SOS2: variants seen among roughly 807,000 people sequenced by gnomAD.
SOS2 encodes son of sevenless homolog 2.
SOS2 carries 65 observed loss-of-function variants against 148.2 expected under a neutral mutation model. The observed-to-expected ratio is 0.44, with a 90% confidence interval of 0.36 to 0.54. The LOEUF is 0.54. SOS2 is among the 20% of genes least tolerant of loss of function. The pLI, the probability that SOS2 is intolerant of heterozygous loss-of-function variation, is 0.00. For synonymous variants in SOS2, 539 were observed against 537.1 expected (o/e 1.00, Z -0.05); for missense variants, 1,341 against 1,590.2 (o/e 0.84, Z 2.67).
rs754964389 is a variant in SOS2 at position 50,173,461 on chromosome 14, G to A, written c.1068+993C>T. On this transcript the variant is annotated intron_variant, in intron 8 of 22. Transcript: ENST00000216373. ...TTTTGAGACGGAGTCTCGCTCTGTC[G>A]CCCAGGCTGGAGTGCAGTGGCACAA... 8.6e-4 allele frequency among the ~76,000 whole-genome samples: 130 copies of A among 151,508 alleles called. 1 individual carries two copies. The highest frequency in any genetic ancestry group is 1.2e-3 in the Admixed American group (18 of 15,198).
At chr14:50,126,813 T>C (rs985794669) in intron 21 of SOS2, among the ~76,000 whole-genome samples, 2 of 151,214 alleles carry the variant, frequency 1.3e-5, no homozygotes, top group Non-Finnish European at 2.9e-5. Flanking sequence ...GAGAACATGC[T>C]GGGGGAAAAA....
intron 4 of SOS2, among the ~76,000 whole-genome samples, chr14:50,195,923 A>G (rs1566475391): frequency 6.6e-6 from 1 of 152,180 alleles, no homozygotes; most frequent in Non-Finnish European, 1.5e-5. Flanking sequence ...GCTACCTGGG[A>G]GGCTGAGGCA....
intron 1 of SOS2, among the ~76,000 whole-genome samples, chr14:50,216,880 C>G (rs961742934): frequency 6.6e-6 from 1 of 152,126 alleles, no homozygotes; most frequent in Non-Finnish European, 1.5e-5. Flanking sequence ...GATGTCAATT[C>G]CTCCCAAATG....
intron 22 of SOS2, among the ~76,000 whole-genome samples, chr14:50,119,906 G>A (rs1213790703): frequency 6.9e-6 from 1 of 145,198 alleles, no homozygotes; most frequent in Non-Finnish European, 1.5e-5. Context: ...CCAACTCCCA[G>A]GTTCAAGCGC....
chr14:50,215,318 T>C (rs1887013103), intron 1 of SOS2: 23 of 1,163,312 alleles, frequency 2.0e-5, no homozygotes, highest in Non-Finnish European at 2.6e-5. Flanking sequence ...GCCAAACTTC[T>C]TAATTTCAAA....
At chr14:50,170,945 T>C (rs1885341471) in intron 8 of SOS2, among the ~76,000 whole-genome samples, 1 of 151,482 alleles carries the variant, frequency 6.6e-6, no homozygotes, top group Non-Finnish European at 1.5e-5. Context: ...AAACCCTGTC[T>C]CTACTAAAAA....
At chr14:50,132,841 G>A (rs907629829) in intron 19 of SOS2, among the ~76,000 whole-genome samples, 3 of 152,094 alleles carry the variant, frequency 2.0e-5, no homozygotes, top group African/African-American at 7.2e-5. Context: ...GCTTCACCAA[G>A]GAGACCTTCT....
chr14:50,118,536 C>G lies in SOS2; in HGVS notation c.3807G>C (p.Arg1269Ser). 6.2e-7 allele frequency: 1 copy of G among 1,614,038 alleles called. No individual in the cohort carries two copies. Among genetic ancestry groups the G allele is most frequent in the Non-Finnish European group, 8.5e-7 (1 of 1,179,990 alleles). The change falls in exon 23 of 23, where the codon AGG becomes AGC. Residue 1269 changes from arginine (R) to serine (S), a missense_variant. Transcript: ENST00000216373. ...PSTPPSTPSP[R>S]VPRRCYVLSS... ...TGAGCACATAGCATCGACGCGGTAC[C>G]CTTGGAGAGGGTGTGCTAGGAGGAG... is the stretch of plus-strand genomic sequence containing the variant.
chr14:50,118,288 T>TAAA lies in SOS2; in HGVS notation c.*53_*55dup. ...ATACTATGTCTTTTTTTGAATAAAT[T>TAAA]AAAAAAAAAACTTTACAAATACCAT... On this transcript the variant is annotated 3_prime_UTR_variant, in exon 23 of 23. Transcript: ENST00000216373. The TAAA allele has an allele frequency of 7.7e-7, 1 of 1,294,336 alleles. No homozygotes were observed. Among genetic ancestry groups the TAAA allele is most frequent in the Non-Finnish European group, 1.1e-6 (1 of 950,996 alleles). 80.2% of individuals were successfully genotyped at this position (1,294,336 alleles called of 1,614,324 possible).
At chr14:50,162,156 T>C (rs1200113635) in intron 8 of SOS2, among the ~76,000 whole-genome samples, 1 of 151,518 alleles carries the variant, frequency 6.6e-6, no homozygotes, top group Non-Finnish European at 1.5e-5. Flanking sequence ...ATTTTATTTT[T>C]ATTTTTTATT....
At chr14:50,169,806 A>C (rs1316899578) in intron 8 of SOS2, among the ~76,000 whole-genome samples, 2 of 152,042 alleles carry the variant, frequency 1.3e-5, no homozygotes, top group Admixed American at 6.6e-5. Context: ...GATATATAGA[A>C]TATATATCTA....
chr14:50,202,781 G>A (rs1455294034), intron 2 of SOS2, among the ~76,000 whole-genome samples: 1 of 151,716 alleles, frequency 6.6e-6, no homozygotes, highest in Non-Finnish European at 1.5e-5. Context: ...GCAGAGAACA[G>A]GGGAAAAAAA....
intron 21 of SOS2, 97 bp downstream of exon 21, chr14:50,129,864 T>C: frequency 2.9e-6 from 2 of 698,354 alleles, no homozygotes. Flanking sequence ...CTTTTCTTGT[T>C]CTTTAATATT....
At chr14:50,124,733 T>C (rs1385045185) in intron 21 of SOS2, among the ~76,000 whole-genome samples, 4 of 152,244 alleles carry the variant, frequency 2.6e-5, no homozygotes, top group African/African-American at 4.8e-5. Flanking sequence ...TAATTATCTA[T>C]GTTTCTTTAC....
intron 1 of SOS2, among the ~76,000 whole-genome samples, chr14:50,225,553 A>G (rs1887342930): frequency 6.6e-6 from 1 of 152,236 alleles, no homozygotes; most frequent in African/African-American, 2.4e-5. Context: ...ACAGGGAGCC[A>G]AGTACAGCAA....
Position 50,145,569 on chromosome 14 carries a change from C to G in SOS2, c.2412G>C (p.Gly804=). Residue 804 remains glycine, a synonymous_variant, in exon 15 of 23, where the codon GGG becomes GGC. Transcript: ENST00000216373. The part of the protein sequence containing the change: ...YRKVQPSELV[G]SVWTKEDKEI... ...CTTTATCTTCTTTGGTCCACACACT[C>G]CCTACAAGTTCAGACGGTTGAACTT... 6 of 1,607,364 alleles carry G rather than the reference C, an allele frequency of 3.7e-6. No homozygotes were observed. The highest frequency in any genetic ancestry group is 5.1e-6 in the Non-Finnish European group (6 of 1,177,580).
chr14:50,155,195 A>T (rs1566829468), intron 12 of SOS2, among the ~76,000 whole-genome samples: 1 of 152,162 alleles, frequency 6.6e-6, no homozygotes, highest in Non-Finnish European at 1.5e-5. Context: ...AAAATTTTTC[A>T]TAATAAAATG....
chr14:50,196,117 G>A (rs950837440), intron 4 of SOS2, among the ~76,000 whole-genome samples: 1 of 152,204 alleles, frequency 6.6e-6, no homozygotes, highest in African/African-American at 2.4e-5. Flanking sequence ...CAAACTCATA[G>A]AGGCAGAGTA....
intron 1 of SOS2, among the ~76,000 whole-genome samples, chr14:50,222,537 A>C (rs994302957): frequency 6.6e-5 from 10 of 152,216 alleles, no homozygotes; most frequent in Admixed American, 1.3e-4. Flanking sequence ...GCTGTAAGAG[A>C]AAATCTCTCC....
Sources: allele counts gnomAD v4.1 joint callset (sites outside exome capture counted in the v4.1 genomes callset), GRCh38; gene constraint gnomAD v4.1.1; transcripts MANE v1.5; gene names NCBI Gene and HGNC (gene_info 2026-07-23, HGNC 2026-07-21).